The following PIEZO1 variants were observed in gnomAD, a reference collection of about 807,000 sequenced individuals.
The protein encoded by PIEZO1 is piezo type mechanosensitive ion channel component 1 (Er blood group).
Under a neutral mutation model 297.2 loss-of-function variants are expected in PIEZO1, and 296 were observed. The ratio of observed to expected loss-of-function variants is 1.00; its 90% CI spans 0.91 to 1.10. PIEZO1 has a LOEUF of 1.10. PIEZO1 is among the 50% of genes least tolerant of loss of function. The pLI is 0.00. For synonymous variants in PIEZO1, 2,427 were observed against 1,507.5 expected (o/e 1.61, Z -14.13); for missense variants, 5,018 against 3,455.5 (o/e 1.45, Z -11.34).
At chr16:88,724,183 A>T (rs1312829624) in intron 30 of PIEZO1, among the ~76,000 whole-genome samples, 1 of 152,194 alleles carries the variant, frequency 6.6e-6, no homozygotes, top group African/African-American at 2.4e-5. Flanking sequence ...TGGGGTGCAG[A>T]GTGGGCCGAC....
intron 1 of PIEZO1, among the ~76,000 whole-genome samples, chr16:88,762,726 C>T (rs28616136): frequency 0.038 from 5,836 of 152,284 alleles, 265 homozygotes; most frequent in African/African-American, 0.11. Context: ...ACTTGTCAGA[C>T]GGGGAAACTG....
rs1482786890 is a variant in PIEZO1, at chr16:88,726,449, T to G, written c.3803A>C (p.Glu1268Ala). 16 of 1,549,536 alleles carry G rather than the reference T, an allele frequency of 1.0e-5. No homozygotes were observed. The highest frequency in any genetic ancestry group is 1.3e-5 in the Non-Finnish European group (15 of 1,146,242). Residue 1268 changes from glutamate to alanine, a missense_variant, in exon 27 of 51, where the codon GAG becomes GCG. Transcript: ENST00000301015. The part of the protein sequence containing the change: ...CTVKGYYDPK[E>A]MMDRDQDCLL... ...GCAGTCCTGGTCTCTGTCCATCATC[T>G]CCTTGGCTGCAAGGCAGGCACCGGC...
chr16:88,717,774 A>T (rs1444165817), intron 44 of PIEZO1: 1 of 450,992 alleles, frequency 2.2e-6, no homozygotes, highest in Non-Finnish European at 4.4e-6. Flanking sequence ...GAATACAGAG[A>T]ATTCTTCCAA....
rs1036125081 is a variant in PIEZO1 at position 88,731,929 on chromosome 16, G to A, written c.2992-19C>T. On this transcript the variant is annotated intron_variant, in intron 21 of 50. Coordinates refer to ENST00000301015, the MANE Select transcript of PIEZO1 (RefSeq NM_001142864.4). Reference sequence around the variant, plus strand: ...AGCAGATCTGGGGAGGGGAGAGGGCGGGGTGTGGGGATGCACTGAGTCTGG... The same window carrying A: ...AGCAGATCTGGGGAGGGGAGAGGGCAGGGTGTGGGGATGCACTGAGTCTGG... 4.7e-6 allele frequency: 7 copies of A among 1,473,944 alleles called. No individual in the cohort carries two copies. The highest frequency in any genetic ancestry group is 4.6e-6 in the Non-Finnish European group (5 of 1,087,128). The allele number at this position is 1,473,944 out of a possible 1,614,324, so 91.3% of individuals were successfully genotyped here.
Position 88,719,561 on chromosome 16 carries a change from T to C in PIEZO1, c.6471+13A>G, listed in dbSNP as rs2142758594. On this transcript the variant is annotated intron_variant, in intron 44 of 50. Coordinates refer to ENST00000301015, the MANE Select transcript of PIEZO1 (RefSeq NM_001142864.4). Reference sequence around the variant, plus strand: ...CTGGCCCTTGTCCCGGCCCCCGCCCTGGGCCCAGGCACCTTCTCTGTCTCT... The same window carrying C: ...CTGGCCCTTGTCCCGGCCCCCGCCCCGGGCCCAGGCACCTTCTCTGTCTCT... 6.5e-7 allele frequency: 1 copy of C among 1,549,852 alleles called. No individual in the cohort carries two copies. The highest frequency in any genetic ancestry group is 8.7e-7 in the Non-Finnish European group (1 of 1,146,406).
chr16:88,719,781 C>T (rs1233585386), intron 43 of PIEZO1, 21 bp downstream of exon 43: 3 of 1,550,202 alleles, frequency 1.9e-6, no homozygotes, highest in East Asian at 2.4e-5. Context: ...GTGACCCCCA[C>T]CCCGGCGGAC....
Position 88,737,563 on chromosome 16 carries a change from CCGCCG to C in PIEZO1, c.1186_1190del (p.Arg396AlafsTer8). ...CTTGCAGTGTGCGGTACTCACCAGG[CCGCCG>C]CAGGACGGAGCTCTGGCCGGTCAGC... is the stretch of plus-strand genomic sequence containing the variant. On this transcript the variant is annotated frameshift_variant, in exon 10 of 51. Coordinates refer to ENST00000301015, the MANE Select transcript of PIEZO1 (RefSeq NM_001142864.4). LOFTEE classifies it high-confidence loss of function. The C allele has an allele frequency of 6.5e-7, 1 of 1,532,130 alleles. No individual in the cohort carries two copies. 94.9% of individuals were successfully genotyped at this position (1,532,130 alleles called of 1,614,324 possible).
At chr16:88,745,022 G>C (rs1007342997) in intron 2 of PIEZO1, 1 of 152,076 alleles carries the variant, frequency 6.6e-6, no homozygotes, top group South Asian at 2.1e-4. Flanking sequence ...TCAAGGGGTC[G>C]GGTGGCTTTC....
intron 2 of PIEZO1, chr16:88,745,226 G>C (rs1209653104): frequency 6.6e-6 from 1 of 152,234 alleles, no homozygotes; most frequent in Non-Finnish European, 1.5e-5. Context: ...ACTCCCTCCT[G>C]GCAGGACACA....
intron 5 of PIEZO1, 192 bp from the exon 6 acceptor site, chr16:88,738,928 A>C (rs191664051): frequency 1.7e-6 from 1 of 595,220 alleles, no homozygotes; most frequent in East Asian, 2.8e-5. Context: ...CTACTTCCTC[A>C]CTCAAGCTCA....
chr16:88,738,172 C>A, intron 7 of PIEZO1, 55 bp downstream of exon 7: 1 of 1,534,006 alleles, frequency 6.5e-7, no homozygotes, highest in Non-Finnish European at 8.7e-7. Context: ...GCTAGACGAG[C>A]CAGGTGGGCG....
intron 1 of PIEZO1, among the ~76,000 whole-genome samples, chr16:88,764,276 T>C (rs1048943603): frequency 7.7e-4 from 117 of 152,118 alleles, no homozygotes; most frequent in Non-Finnish European, 2.1e-4. Flanking sequence ...CACGTGGCAA[T>C]GCCCTCCCGG....
At chr16:88,735,440 C>T (rs1597459103) in intron 12 of PIEZO1, among the ~76,000 whole-genome samples, 194 bp from the exon 13 acceptor site, 1 of 152,136 alleles carries the variant, frequency 6.6e-6, no homozygotes, top group African/African-American at 2.4e-5. Flanking sequence ...AGCACACACT[C>T]TCACATCCAT....
rs779186692 is a variant in PIEZO1, at chr16:88,749,398, C to A, written c.146G>T (p.Arg49Leu). ...CCTGGCCTTACCTTGGAGGCCGCAT[C>A]GGGTGGGGCCGGGGAACCAGGGCAG... is the stretch of plus-strand genomic sequence containing the variant. ...LLLPWFPGPTRCGLQGHTGRL... is the reference protein window; with the variant it reads ...LLLPWFPGPTLCGLQGHTGRL... The change falls in exon 2 of 51, where the codon CGA becomes CTA. Residue 49 changes from arginine (R) to leucine (L), a missense_variant. By Grantham distance (102) the Arg-to-Leu change is moderately radical (BLOSUM62 -2). Transcript: ENST00000301015. The A allele has an allele frequency of 1.6e-5, 24 of 1,510,220 alleles. No individual in the cohort carries two copies. The South Asian group carries it at 1.8e-4, about 11-fold the overall frequency. The allele number at this position is 1,510,220 out of a possible 1,614,324, so 93.6% of individuals were successfully genotyped here. A position where few individuals can be genotyped will look rare whatever the true frequency, so the allele number is the denominator to read the frequency against.
intron 1 of PIEZO1, among the ~76,000 whole-genome samples, chr16:88,750,017 C>T (rs140056676): frequency 0.017 from 2,550 of 151,252 alleles, 62 homozygotes; most frequent in African/African-American, 0.058. Flanking sequence ...AGCAAGACTC[C>T]GCCTCAAAAA....
chr16:88,727,492 G>C, intron 23 of PIEZO1, 65 bp downstream of exon 23: 1 of 689,560 alleles, frequency 1.5e-6, no homozygotes, highest in Non-Finnish European at 2.5e-6. Flanking sequence ...CTTGTGAGCA[G>C]ATTTGGGGGC....
chr16:88,723,005 C>CCGGCCTG lies in PIEZO1; in HGVS notation c.4496-3_4499dup (p.Ser1501ArgfsTer26). On this transcript the variant is annotated frameshift_variant, in exon 34 of 51. Transcript: ENST00000301015. LOFTEE classifies it high-confidence loss of function. ...TCAGCACCCTCTGCACCACATGGCT[C>CCGGCCTG]CGGCCTGCGGGAGGGCGGGAGGGGG... The CCGGCCTG allele has an allele frequency of 3.2e-6, 5 of 1,546,372 alleles. No individual in the cohort carries two copies. Among genetic ancestry groups the CCGGCCTG allele is most frequent in the Non-Finnish European group, 4.4e-6 (5 of 1,145,998 alleles).
Position 88,738,052 on chromosome 16 carries a change from G to C in PIEZO1, c.902C>G (p.Ala301Gly). The change falls in exon 8 of 51, where the codon GCG becomes GGG. Residue 301 changes from alanine to glycine, a missense_variant. Ala to Gly is a moderately conservative substitution (Grantham distance 60). Coordinates refer to ENST00000301015, the MANE Select transcript of PIEZO1 (RefSeq NM_001142864.4). ...VGPTNCSSPH[A>G]LVLNTGLDWP... ...GTCCAGGCCGGTGTTGAGGACCAGC[G>C]CGTGGGGGCTGGAGCAGTTGGTGGG... 6.5e-7 allele frequency: 1 copy of C among 1,535,792 alleles called. No individual in the cohort carries two copies. Among genetic ancestry groups the C allele is most frequent in the Non-Finnish European group, 8.7e-7 (1 of 1,146,804 alleles).
chr16:88,717,445 G>C, intron 44 of PIEZO1: 2 of 632,244 alleles, frequency 3.2e-6, no homozygotes, highest in South Asian at 1.6e-5. Context: ...CGTTCAGTGG[G>C]AACGGACAAC....
Sources: allele counts gnomAD v4.1 joint callset (sites outside exome capture counted in the v4.1 genomes callset), GRCh38; gene constraint gnomAD v4.1.1; transcripts MANE v1.5; gene names NCBI Gene and HGNC (gene_info 2026-07-23, HGNC 2026-07-21).